CADPS2: variants seen among roughly 807,000 people sequenced by gnomAD.
CADPS2 encodes calcium dependent secretion activator 2.
A neutral mutation model predicts 172.5 loss-of-function variants in CADPS2; 93 were observed. The observed-to-expected ratio is 0.54, with a 90% CI of 0.46 to 0.64. The LOEUF is 0.64. Ranked by LOEUF, CADPS2 falls within the 30% of genes least tolerant of loss-of-function variation. The pLI is 0.00. For synonymous variants in CADPS2, 546 were observed against 555.2 expected, an observed-to-expected ratio of 0.98 and a Z score of 0.23; for missense variants, 1,420 against 1,565.9, an observed-to-expected ratio of 0.91 and a Z score of 1.57.
At chr7:122,738,681 C>G (rs2092311176) in intron 1 of CADPS2, among the ~76,000 whole-genome samples, 1 of 151,988 alleles carries the variant, frequency 6.6e-6, no homozygotes, top group Non-Finnish European at 1.5e-5. Context: ...AAGTATAAAT[C>G]TGTTCAAAAG....
intron 22 of CADPS2, among the ~76,000 whole-genome samples, chr7:122,389,750 C>A (rs2044135866): frequency 6.6e-6 from 1 of 151,932 alleles, no homozygotes; most frequent in Admixed American, 6.6e-5. Context: ...CCCACAATTG[C>A]TTCACATATA....
Position 122,698,360 on chromosome 7 carries a change from T to C in CADPS2, c.454-34791A>G, listed in dbSNP as rs1167904317. On this transcript the variant is annotated intron_variant, in intron 2 of 29. Coordinates refer to ENST00000449022, the MANE Select transcript of CADPS2 (RefSeq NM_017954.11). ...ACAAAAGAGACCAAATAGTGATTCATCCAGATGATGTGCTTTCTCCCCACC... is the reference window on the plus strand; with the variant it reads ...ACAAAAGAGACCAAATAGTGATTCACCCAGATGATGTGCTTTCTCCCCACC... 4.3e-5 allele frequency: 69 copies of C among 1,613,372 alleles called. No individual in the cohort carries two copies. Among genetic ancestry groups the C allele is most frequent in the Non-Finnish European group, 5.8e-5 (68 of 1,179,454 alleles).
At chr7:122,673,930 T>C (rs1462711498) in intron 2 of CADPS2, among the ~76,000 whole-genome samples, 1 of 149,168 alleles carries the variant, frequency 6.7e-6, no homozygotes, top group African/African-American at 2.5e-5. Context: ...TGGGGGTTGG[T>C]TGGGGAGCTA....
intron 14 of CADPS2, among the ~76,000 whole-genome samples, chr7:122,455,448 C>T (rs995686590): frequency 2.0e-5 from 3 of 151,588 alleles, no homozygotes; most frequent in Non-Finnish European, 4.4e-5. Flanking sequence ...TTGATGGCCA[C>T]TGTACATATG....
chr7:122,597,913 A>AT (rs35489038), intron 6 of CADPS2, among the ~76,000 whole-genome samples: 20,075 of 147,428 alleles, frequency 0.14, 1,410 homozygotes, highest in African/African-American at 0.19. Context: ...TCTTTTTAAC[A>AT]TTTTTTTTTT....
At chr7:122,645,592 T>TTA (rs74221978) in intron 3 of CADPS2, among the ~76,000 whole-genome samples, 27,217 of 123,164 alleles carry the variant, frequency 0.22, 4,018 homozygotes, top group Non-Finnish European at 0.31. Flanking sequence ...GCTATAGAGA[T>TTA]TATATATATA....
At chr7:122,816,154 CTTT>C (rs1042435920) in intron 1 of CADPS2, among the ~76,000 whole-genome samples, 8 of 152,010 alleles carry the variant, frequency 5.3e-5, no homozygotes, top group African/African-American at 1.7e-4. Flanking sequence ...GCCAACTCTT[CTTT>C]ATCTTTCCCC....
At chr7:122,676,787 T>G in intron 2 of CADPS2, 1 of 925,444 alleles carries the variant, frequency 1.1e-6, no homozygotes, top group Non-Finnish European at 1.6e-6. Context: ...AACCAAACCA[T>G]CATTTCCATG....
intron 2 of CADPS2, among the ~76,000 whole-genome samples, chr7:122,721,084 T>G (rs2090337496): frequency 6.6e-6 from 1 of 152,014 alleles, no homozygotes; most frequent in Non-Finnish European, 1.5e-5. Context: ...TCCTCTAGGT[T>G]TGCTCAACAC....
intron 25 of CADPS2, among the ~76,000 whole-genome samples, chr7:122,376,447 T>C (rs1284045979): frequency 6.6e-6 from 1 of 152,116 alleles, no homozygotes; most frequent in Non-Finnish European, 1.5e-5. Context: ...CTGGAATATA[T>C]TATGCTCTGT....
At chr7:122,760,903 G>A (rs1393794865) in intron 1 of CADPS2, among the ~76,000 whole-genome samples, 1 of 151,900 alleles carries the variant, frequency 6.6e-6, no homozygotes, top group African/African-American at 2.4e-5. Flanking sequence ...CATGGCACAT[G>A]TATACATATG....
chr7:122,652,638 ACT>A (rs1162970540), intron 3 of CADPS2, among the ~76,000 whole-genome samples: 1 of 152,096 alleles, frequency 6.6e-6, no homozygotes, highest in East Asian at 1.9e-4. Flanking sequence ...AGATTCTTGT[ACT>A]GTTATGCCAC....
chr7:122,580,249 G>A (rs951080931), intron 7 of CADPS2, among the ~76,000 whole-genome samples: 2 of 151,972 alleles, frequency 1.3e-5, no homozygotes, highest in African/African-American at 4.8e-5. Flanking sequence ...GAGGTCAGGA[G>A]TTCAAGACAA....
chr7:122,719,344 C>G (rs773519912), intron 2 of CADPS2, among the ~76,000 whole-genome samples: 4 of 152,126 alleles, frequency 2.6e-5, no homozygotes, highest in Non-Finnish European at 5.9e-5. Context: ...CCTCCCTGCT[C>G]TGAACTTGTT....
intron 8 of CADPS2, among the ~76,000 whole-genome samples, chr7:122,534,101 C>T (rs2062014248): frequency 6.6e-6 from 1 of 152,076 alleles, no homozygotes; most frequent in African/African-American, 2.4e-5. Flanking sequence ...TGTGTATTAC[C>T]TAATTTGCCA....
chr7:122,675,567 A>G (rs938727691), intron 2 of CADPS2, among the ~76,000 whole-genome samples: 1 of 152,198 alleles, frequency 6.6e-6, no homozygotes, highest in Non-Finnish European at 1.5e-5. Context: ...TAATGCTGCA[A>G]TAAACATATG....
chr7:122,779,772 CT>C, intron 1 of CADPS2, among the ~76,000 whole-genome samples: 1 of 152,250 alleles, frequency 6.6e-6, no homozygotes, highest in East Asian at 1.9e-4. Flanking sequence ...TTCCAAGGGA[CT>C]TCATTTTGTT....
chr7:122,605,183 AC>A (rs1317700129), intron 6 of CADPS2, among the ~76,000 whole-genome samples: 3 of 152,142 alleles, frequency 2.0e-5, no homozygotes, highest in Non-Finnish European at 2.9e-5. Context: ...AAATTGCAGG[AC>A]GGGAAGTTGC....
chr7:122,754,916 A>G (rs2093096831), intron 1 of CADPS2, among the ~76,000 whole-genome samples: 1 of 152,228 alleles, frequency 6.6e-6, no homozygotes, highest in South Asian at 2.1e-4. Flanking sequence ...TCTGTTTTAA[A>G]ACATATTCTT....
Sources: gnomAD v4.1 joint callset for allele counts (sites outside exome capture counted in the v4.1 genomes callset) on GRCh38, gnomAD v4.1.1 for gene constraint, MANE v1.5 for transcripts, NCBI Gene and HGNC (gene_info 2026-07-23, HGNC 2026-07-21) for gene names.